WDR48: variants seen among roughly 807,000 people sequenced by gnomAD.
WDR48 encodes WD repeat domain 48.
WDR48 carries 22 observed loss-of-function variants against 94.0 expected under a neutral mutation model. The ratio of observed to expected loss-of-function variants is 0.23; its 90% CI spans 0.17 to 0.33. WDR48 has a LOEUF of 0.33. Among genes scored for constraint, WDR48 ranks in the 10% least tolerant of loss-of-function variants. The pLI, the probability that WDR48 is intolerant of heterozygous loss-of-function variation, is 1.00. For missense variants in WDR48, 541 were observed against 813.8 expected (o/e 0.66, Z 4.08); for synonymous variants, 278 against 280.5 (o/e 0.99, Z 0.09).
At chr3:39,052,445 C>T (rs901234304) in intron 1 of WDR48, 1 of 209,864 alleles carries the variant, frequency 4.8e-6, no homozygotes, top group South Asian at 6.1e-5. Flanking sequence ...GAGCCGAGGC[C>T]TCCAGGGGTT....
rs2034133284 is a variant in WDR48 at position 39,074,912 on chromosome 3, C to A, written c.859C>A (p.Arg287=). The change falls in exon 8 of 19, where the codon CGG becomes AGG. Residue 287 remains arginine, a synonymous_variant. Coordinates refer to ENST00000302313, the MANE Select transcript of WDR48 (RefSeq NM_020839.4). ...YCTDLRNPDI[R]VLICEEKAPV... ...TACAGACCTAAGAAACCCTGACATT[C>A]GGGTGCTAATTTGTGAAGAAAAAGC... 6.2e-7 allele frequency: 1 copy of A among 1,614,032 alleles called. No individual in the cohort carries two copies. The highest frequency in any genetic ancestry group is 8.5e-7 in the Non-Finnish European group (1 of 1,180,034).
intron 6 of WDR48, 124 bp downstream of exon 6, chr3:39,068,983 T>C: frequency 1.5e-6 from 1 of 685,548 alleles, no homozygotes; most frequent in Non-Finnish European, 2.3e-6. Flanking sequence ...AGACTGGGTC[T>C]CACTCTGTCA....
intron 14 of WDR48, 119 bp from the exon 15 acceptor site, chr3:39,088,008 TG>T: frequency 1.2e-6 from 1 of 859,872 alleles, no homozygotes; most frequent in Non-Finnish European, 1.8e-6. Context: ...CTAACTCTGG[TG>T]GACTTAGAGG....
At chr3:39,066,516 TA>T in intron 3 of WDR48, 31 bp from the exon 4 acceptor site, 6 of 1,586,582 alleles carry the variant, frequency 3.8e-6, no homozygotes, top group Non-Finnish European at 5.2e-6. Context: ...GTCATACTAC[TA>T]AGGAGTTTGT....
intron 3 of WDR48, among the ~76,000 whole-genome samples, chr3:39,066,241 AT>A (rs1300172792): frequency 6.6e-6 from 1 of 152,186 alleles, no homozygotes; most frequent in Non-Finnish European, 1.5e-5. Context: ...GGTGAGATCC[AT>A]TCCTTGGTTT....
intron 9 of WDR48, 122 bp downstream of exon 9, chr3:39,077,335 A>G (rs1033089025): frequency 1.7e-5 from 16 of 917,516 alleles, no homozygotes; most frequent in Middle Eastern, 2.2e-4. Context: ...GGCAGGGGCA[A>G]AAACCTGAAA....
chr3:39,071,098 C>G (rs1350358413), intron 7 of WDR48, among the ~76,000 whole-genome samples: 1 of 152,024 alleles, frequency 6.6e-6, no homozygotes, highest in East Asian at 1.9e-4. Context: ...GATATTTGGG[C>G]TGGTTCCAAG....
chr3:39,092,876 T>TACACACACAC (rs3033301), intron 17 of WDR48, among the ~76,000 whole-genome samples: 23,477 of 145,872 alleles, frequency 0.16, 2,469 homozygotes, highest in African/African-American at 0.31. Flanking sequence ...CATCTCTGTC[T>TACACACACAC]ACACACACAC....
chr3:39,077,297 G>A (rs1313886999), intron 9 of WDR48, 84 bp downstream of exon 9: 2 of 1,475,098 alleles, frequency 1.4e-6, no homozygotes, highest in Non-Finnish European at 1.9e-6. Context: ...CAAATGCTCA[G>A]TGTGGCCCTA....
chr3:39,084,064 T>G (rs2034679601), intron 11 of WDR48, 91 bp from the exon 12 acceptor site: 2 of 879,898 alleles, frequency 2.3e-6, no homozygotes, highest in Non-Finnish European at 1.7e-6. Context: ...CTTAGACACA[T>G]GTGAAAATAT....
Position 39,079,825 on chromosome 3 carries a change from G to T in WDR48, c.1173+17G>T. 1.4e-6 allele frequency: 2 copies of T among 1,465,542 alleles called. No individual in the cohort carries two copies. Among genetic ancestry groups the T allele is most frequent in the South Asian group, 1.4e-5 (1 of 72,714 alleles). 90.8% of individuals were successfully genotyped at this position (1,465,542 alleles called of 1,614,324 possible). On this transcript the variant is annotated intron_variant, in intron 11 of 18. Transcript: ENST00000302313. ...GTATTGAAGGTGAGTATTTTTTTTGGGCTAAATATAGGTTGTTAGATTGTA... is the reference window on the plus strand; with the variant it reads ...GTATTGAAGGTGAGTATTTTTTTTGTGCTAAATATAGGTTGTTAGATTGTA...
intron 1 of WDR48, among the ~76,000 whole-genome samples, chr3:39,053,655 A>G (rs2032647096): frequency 6.6e-6 from 1 of 152,152 alleles, no homozygotes; most frequent in Admixed American, 6.5e-5. Context: ...TTGCATTAAG[A>G]CTTAAAACTC....
chr3:39,094,848 G>C lies in WDR48; in HGVS notation c.*105G>C. On this transcript the variant is annotated 3_prime_UTR_variant, in exon 19 of 19. Transcript: ENST00000302313. The stretch of plus-strand genomic sequence containing the variant: ...CCCCAACGGGAGCAAGACTTCTAAC[G>C]GCTGATTGGTATGGACCGAGATTAT... 7.1e-7 allele frequency: 1 copy of C among 1,400,954 alleles called. No individual in the cohort carries two copies. Among genetic ancestry groups the C allele is most frequent in the East Asian group, 2.3e-5 (1 of 43,690 alleles). 86.8% of individuals were successfully genotyped at this position (1,400,954 alleles called of 1,614,324 possible).
intron 8 of WDR48, among the ~76,000 whole-genome samples, chr3:39,076,716 G>T (rs906399817): frequency 1.3e-5 from 2 of 152,140 alleles, no homozygotes; most frequent in Admixed American, 1.3e-4. Flanking sequence ...TTAGGCGAGG[G>T]TTATTTTCAC....
In WDR48 at chr3:39,095,330, T is replaced by C. The variant is rs2035288975; in HGVS notation, c.*587T>C. The C allele has an allele frequency of 6.5e-6, 1 of 153,884 alleles. No individual in the cohort carries two copies. Among genetic ancestry groups the C allele is most frequent in the South Asian group, 2.0e-4 (1 of 4,906 alleles). 9.5% of individuals were successfully genotyped at this position (153,884 alleles called of 1,614,324 possible). A position where few individuals can be genotyped will look rare whatever the true frequency, so the allele number is the denominator to read the frequency against. Reference sequence around the variant, plus strand: ...ATTAATGTTGGGCTTGTTGTTAATATTGCATCTCAGATGTGTTCTTGTAGG... The same window carrying C: ...ATTAATGTTGGGCTTGTTGTTAATACTGCATCTCAGATGTGTTCTTGTAGG... On this transcript the variant is annotated 3_prime_UTR_variant, in exon 19 of 19. Transcript: ENST00000302313.
At chr3:39,060,419 C>CATAT (rs200990149) in intron 1 of WDR48, among the ~76,000 whole-genome samples, 3,950 of 147,786 alleles carry the variant, frequency 0.027, 66 homozygotes, top group African/African-American at 0.046. Flanking sequence ...TGTGTGTGTG[C>CATAT]ATATATATAT....
At chr3:39,055,887 C>G (rs1429000245) in intron 1 of WDR48, among the ~76,000 whole-genome samples, 1 of 152,230 alleles carries the variant, frequency 6.6e-6, no homozygotes, top group Non-Finnish European at 1.5e-5. Flanking sequence ...TCTAGTTAAG[C>G]TCTTTCCCCA....
chr3:39,079,924 TG>T (rs1449918518), intron 11 of WDR48, 116 bp downstream of exon 11: 1 of 528,668 alleles, frequency 1.9e-6, no homozygotes, highest in Non-Finnish European at 3.2e-6. Flanking sequence ...TAATACTTTA[TG>T]GGGTGGTATA....
At chr3:39,052,760 A>C (rs1235664835) in intron 1 of WDR48, among the ~76,000 whole-genome samples, 1 of 152,180 alleles carries the variant, frequency 6.6e-6, no homozygotes. Flanking sequence ...AGAGTTGTCT[A>C]ATCTTACCGT....
Sources: gnomAD v4.1 joint callset for allele counts (sites outside exome capture counted in the v4.1 genomes callset) on GRCh38, gnomAD v4.1.1 for gene constraint, MANE v1.5 for transcripts, NCBI Gene and HGNC (gene_info 2026-07-23, HGNC 2026-07-21) for gene names.